Variants in SLC22A4 observed in about 807,000 individuals in gnomAD.
The protein encoded by SLC22A4 is solute carrier family 22 member 4, also known as ET transporter.
Under a neutral mutation model 56.6 loss-of-function variants are expected in SLC22A4, and 39 were observed. The observed-to-expected ratio is 0.69, with a 90% CI of 0.53 to 0.90. The LOEUF (loss-of-function observed/expected upper bound fraction) is 0.90. Ranked by LOEUF, SLC22A4 falls within the 40% of genes least tolerant of loss-of-function variation. SLC22A4 has a pLI of 0.00. For missense variants in SLC22A4, 594 were observed against 696.5 expected (o/e 0.85, Z 1.66); for synonymous variants, 241 against 281.4 (o/e 0.86, Z 1.44).
In SLC22A4 at chr5:132,337,271, T is replaced by TTC. The variant is rs1561548423; in HGVS notation, c.1444+1272_1444+1273insCT. Among the ~76,000 whole-genome samples, 107 of 125,594 alleles carry TTC rather than the reference T, an allele frequency of 8.5e-4. 2 individuals are homozygous for TTC. Among genetic ancestry groups the TTC allele is most frequent in the African/African-American group, 2.1e-3 (69 of 32,904 alleles). 82.4% of individuals were successfully genotyped at this position (125,594 alleles called of 152,430 possible). A position where few individuals can be genotyped will look rare whatever the true frequency, so the allele number is the denominator to read the frequency against. On this transcript the variant is annotated intron_variant, in intron 8 of 9. Coordinates refer to ENST00000200652, the MANE Select transcript of SLC22A4 (RefSeq NM_003059.3). Reference sequence around the variant, plus strand: ...ATCTCACCAACAATAAAGATTACCTTTTTTTTTTTTTTTTTTTTTTTCTGA... The same window carrying TTC: ...ATCTCACCAACAATAAAGATTACCTTTCTTTTTTTTTTTTTTTTTTTTTCTGA...
At chr5:132,303,935 G>A (rs911584142) in intron 1 of SLC22A4, among the ~76,000 whole-genome samples, 12 of 152,160 alleles carry the variant, frequency 7.9e-5, no homozygotes, top group African/African-American at 2.7e-4. Context: ...CCACAGGAAC[G>A]AACTTTATTT....
intron 4 of SLC22A4, chr5:132,324,330 C>T (rs774635616): frequency 4.3e-5 from 15 of 348,602 alleles, no homozygotes; most frequent in South Asian, 1.9e-4. Flanking sequence ...CCATATGTCA[C>T]AGCGAGGAAC....
intron 5 of SLC22A4, among the ~76,000 whole-genome samples, chr5:132,328,586 C>T (rs1336245344): frequency 6.6e-6 from 1 of 151,640 alleles, no homozygotes; most frequent in African/African-American, 2.4e-5. Context: ...AAAACAACAA[C>T]AACAACAACA....
At chr5:132,322,163 C>G in intron 3 of SLC22A4, 21 bp from the exon 4 acceptor site, 1 of 1,605,382 alleles carries the variant, frequency 6.2e-7, no homozygotes, top group Admixed American at 1.7e-5. Context: ...TATGCTAATA[C>G]TCCTCCCTTG....
At position 132,322,337 on chromosome 5, in the gene SLC22A4, T is replaced by C; in HGVS notation, c.806T>C (p.Leu269Pro). 3 of 1,613,718 alleles carry C rather than the reference T, an allele frequency of 1.9e-6. No homozygotes were observed. The highest frequency in any genetic ancestry group is 4.5e-5 in the East Asian group (2 of 44,880). The change falls in exon 4 of 10, where the codon CTG (leucine) becomes CCG (proline). Residue 269 changes from leucine to proline, a missense_variant. By Grantham distance (98) the Leu-to-Pro change is moderately conservative. Transcript: ENST00000200652. Reference protein sequence around the residue: ...LLLALTVPGVLCVPLWWFIPE... With the variant: ...LLLALTVPGVPCVPLWWFIPE... ...CTGGCGCTGACGGTGCCGGGAGTGCTGTGTGTCCCGCTGTGGTGGTGAGTG... is the reference window on the plus strand; with the variant it reads ...CTGGCGCTGACGGTGCCGGGAGTGCCGTGTGTCCCGCTGTGGTGGTGAGTG...
At chr5:132,338,378 C>T (rs542157382) in intron 8 of SLC22A4, among the ~76,000 whole-genome samples, 1 of 152,302 alleles carries the variant, frequency 6.6e-6, no homozygotes, top group Admixed American at 6.5e-5. Context: ...CACAGGACCA[C>T]AGGACCGGGG....
At chr5:132,295,717 C>A in intron 1 of SLC22A4, 2 of 180,026 alleles carry the variant, frequency 1.1e-5, no homozygotes, top group Non-Finnish European at 2.4e-5. Context: ...ACACACTTCT[C>A]CCGCTTTTGC....
intron 5 of SLC22A4, 81 bp downstream of exon 5, chr5:132,327,484 T>C: frequency 8.2e-7 from 1 of 1,226,702 alleles, no homozygotes; most frequent in South Asian, 1.2e-5. Flanking sequence ...CAATATTTGT[T>C]AAGTGCCCAC....
chr5:132,313,162 G>A (rs1750233425), intron 2 of SLC22A4, among the ~76,000 whole-genome samples: 1 of 152,192 alleles, frequency 6.6e-6, no homozygotes, highest in East Asian at 1.9e-4. Context: ...GCTGGCATCA[G>A]TATTTTTTCC....
At chr5:132,326,536 A>G (rs1750694841) in intron 4 of SLC22A4, among the ~76,000 whole-genome samples, 2 of 152,372 alleles carry the variant, frequency 1.3e-5, no homozygotes, top group South Asian at 4.1e-4. Flanking sequence ...GAGAGCTGAC[A>G]GGAGAATGGC....
chr5:132,326,281 A>G (rs1750687706), intron 4 of SLC22A4, among the ~76,000 whole-genome samples: 1 of 152,244 alleles, frequency 6.6e-6, no homozygotes, highest in Non-Finnish European at 1.5e-5. Flanking sequence ...TGCTCAGAAC[A>G]CTTACATTAG....
chr5:132,340,063 G>GT lies in SLC22A4; in HGVS notation c.1445-476dup, dbSNP rs4646203. On this transcript the variant is annotated intron_variant, in intron 8 of 9. Transcript: ENST00000200652. ...TCTGAAGTGAACATAATACTTAGTT[G>GT]TTTTTTTTTTTTTTTTTTTTTTTTT... is the stretch of plus-strand genomic sequence containing the variant. 9.8e-3 allele frequency among the ~76,000 whole-genome samples: 932 copies of GT among 94,856 alleles called. 48 individuals carry two copies. The highest frequency in any genetic ancestry group is 0.013 in the Non-Finnish European group (627 of 48,332). 62.2% of individuals were successfully genotyped at this position (94,856 alleles called of 152,430 possible).
intron 6 of SLC22A4, 136 bp from the exon 7 acceptor site, chr5:132,334,578 TTTTA>T: frequency 1.3e-6 from 1 of 759,236 alleles, no homozygotes; most frequent in Non-Finnish European, 2.4e-6. Context: ...TCTTATTTAA[TTTTA>T]ATTTATTCAA....
At chr5:132,297,943 A>G (rs1049163883) in intron 1 of SLC22A4, among the ~76,000 whole-genome samples, 4 of 152,246 alleles carry the variant, frequency 2.6e-5, no homozygotes, top group Admixed American at 2.0e-4. Context: ...GCAAGACCCC[A>G]CCTCTAAAAA....
In SLC22A4 at chr5:132,340,753, A is replaced by G. The variant is rs1318465718; in HGVS notation, c.1580+53A>G. 4.6e-6 allele frequency: 7 copies of G among 1,510,884 alleles called. No homozygotes were observed. The Admixed American group carries it at 1.2e-4, about 25-fold the overall frequency. The allele number at this position is 1,510,884 out of a possible 1,614,324, so 93.6% of individuals were successfully genotyped here. A position where few individuals can be genotyped will look rare whatever the true frequency, so the allele number is the denominator to read the frequency against. ...CCAAAATGCCTTAGGGAGAATAAGCATGGAAGAATAGCTAGGAAGGTTCTG... is the reference window on the plus strand; with the variant it reads ...CCAAAATGCCTTAGGGAGAATAAGCGTGGAAGAATAGCTAGGAAGGTTCTG... On this transcript the variant is annotated intron_variant, in intron 9 of 9. Coordinates refer to ENST00000200652, the MANE Select transcript of SLC22A4 (RefSeq NM_003059.3).
chr5:132,326,533 G>C lies in SLC22A4; in HGVS notation c.825-744G>C, dbSNP rs114615325. Among the ~76,000 whole-genome samples, 835 of 152,310 alleles carry C rather than the reference G, an allele frequency of 5.5e-3. 4 individuals carry two copies. The highest frequency in any genetic ancestry group is 0.019 in the East Asian group (100 of 5,180). On this transcript the variant is annotated intron_variant, in intron 4 of 9. Coordinates refer to ENST00000200652, the MANE Select transcript of SLC22A4 (RefSeq NM_003059.3). Reference sequence around the variant, plus strand: ...ACAATAGGTAAGGAAAATGAGAGCTGACAGGAGAATGGCTAAAAGATTTTG... The same window carrying C: ...ACAATAGGTAAGGAAAATGAGAGCTCACAGGAGAATGGCTAAAAGATTTTG...
rs1750718077 is a variant in SLC22A4 at position 132,327,374 on chromosome 5, G to A, written c.922G>A (p.Val308Ile). The change falls in exon 5 of 10, where the codon GTA becomes ATA. Residue 308 changes from valine (V) to isoleucine (I), a missense_variant. Physicochemically the swap from Val to Ile is conservative, Grantham distance 29. Coordinates refer to ENST00000200652, the MANE Select transcript of SLC22A4 (RefSeq NM_003059.3). ...AGCTGCAAAAATGAACAACATAGCT[G>A]TACCAGCAGTGATATTTGATTCTGT... is the stretch of plus-strand genomic sequence containing the variant. ...QKAAKMNNIAVPAVIFDSVEE... is the reference protein window; with the variant it reads ...QKAAKMNNIAIPAVIFDSVEE... The A allele has an allele frequency of 1.9e-6, 3 of 1,612,110 alleles. No homozygotes were observed. Among genetic ancestry groups the A allele is most frequent in the Non-Finnish European group, 1.7e-6 (2 of 1,178,306 alleles).
chr5:132,342,582 C>G (rs1751252845), intron 9 of SLC22A4, among the ~76,000 whole-genome samples: 1 of 152,216 alleles, frequency 6.6e-6, no homozygotes, highest in Admixed American at 6.5e-5. Flanking sequence ...TCACTTGCCA[C>G]TCACAAATGT....
At chr5:132,332,784 G>T (rs912838048) in intron 6 of SLC22A4, among the ~76,000 whole-genome samples, 1 of 149,528 alleles carries the variant, frequency 6.7e-6, no homozygotes, top group Non-Finnish European at 1.5e-5. Context: ...CGTCAGAACT[G>T]GTAGATTTAG....
Sources: allele counts gnomAD v4.1 joint callset (sites outside exome capture counted in the v4.1 genomes callset), GRCh38; gene constraint gnomAD v4.1.1; transcripts MANE v1.5; gene names NCBI Gene and HGNC (gene_info 2026-07-23, HGNC 2026-07-21).